SDK1: variants seen among roughly 807,000 people sequenced by gnomAD.
The protein encoded by SDK1 is sidekick cell adhesion molecule 1, also known as protein sidekick-1.
In SDK1, 157 loss-of-function variants were observed where a neutral mutation model predicts 245.5. The observed-to-expected ratio is 0.64, with a 90% CI of 0.56 to 0.73. The LOEUF is 0.73. Ranked by LOEUF, SDK1 falls within the 30% of genes least tolerant of loss-of-function variation. The pLI is 0.00. For synonymous variants in SDK1, 1,647 were observed against 1,278.5 expected, an observed-to-expected ratio of 1.29 and a Z score of -6.15; for missense variants, 3,583 against 3,002.3, an observed-to-expected ratio of 1.19 and a Z score of -4.52.
chr7:3,626,625 C>T (rs951410103), intron 2 of SDK1, among the ~76,000 whole-genome samples: 5 of 152,290 alleles, frequency 3.3e-5, no homozygotes, highest in South Asian at 2.1e-4. Context: ...CTAAGAGATA[C>T]CCCATTGACT....
At chr7:3,638,919 T>A (rs1220521345) in intron 2 of SDK1, 85 bp from the exon 3 acceptor site, 1 of 725,840 alleles carries the variant, frequency 1.4e-6, no homozygotes, top group East Asian at 2.8e-5. Context: ...ATGCCAGTGC[T>A]GTTTGATAAA....
intron 1 of SDK1, among the ~76,000 whole-genome samples, chr7:3,534,621 C>A (rs1467503352): frequency 6.6e-6 from 1 of 152,130 alleles, no homozygotes; most frequent in Non-Finnish European, 1.5e-5. Flanking sequence ...CATGTTACTG[C>A]TTCCTTTTTT....
At chr7:4,101,383 A>G (rs536457789) in intron 22 of SDK1, among the ~76,000 whole-genome samples, 294 of 152,212 alleles carry the variant, frequency 1.9e-3, no homozygotes, top group African/African-American at 6.4e-3. Context: ...TCCTGACCTC[A>G]TGATCCACCC....
chr7:4,135,166 C>G (rs189219776), intron 28 of SDK1, among the ~76,000 whole-genome samples: 1 of 152,178 alleles, frequency 6.6e-6, no homozygotes. Context: ...TTTCCGATGA[C>G]AAGAGCACTA....
chr7:3,553,285 C>G (rs541579518), intron 1 of SDK1, among the ~76,000 whole-genome samples: 4 of 152,062 alleles, frequency 2.6e-5, no homozygotes, highest in South Asian at 2.1e-4. Flanking sequence ...GAATCTGAAA[C>G]TTAAGATTTT....
chr7:3,850,388 A>G (rs1403167834), intron 5 of SDK1, among the ~76,000 whole-genome samples: 2 of 152,208 alleles, frequency 1.3e-5, no homozygotes. Flanking sequence ...TGAAAATAAG[A>G]TGCCTTTTAC....
chr7:3,833,148 G>GCGGA (rs1345203492), intron 5 of SDK1, among the ~76,000 whole-genome samples: 1 of 152,072 alleles, frequency 6.6e-6, no homozygotes, highest in African/African-American at 2.4e-5. Flanking sequence ...AACTGGAAGT[G>GCGGA]CGGAACTCTA....
chr7:3,787,810 C>T (rs371696487), intron 4 of SDK1, among the ~76,000 whole-genome samples: 32 of 152,284 alleles, frequency 2.1e-4, no homozygotes, highest in Middle Eastern at 3.4e-3. Context: ...TGTTCTGTAG[C>T]TTTGTGAAGT....
chr7:3,311,393 A>G (rs1349162258), intron 1 of SDK1, among the ~76,000 whole-genome samples: 1 of 152,154 alleles, frequency 6.6e-6, no homozygotes, highest in African/African-American at 2.4e-5. Context: ...CTGGAGTTCT[A>G]GGAGTATAAA....
intron 1 of SDK1, among the ~76,000 whole-genome samples, chr7:3,485,710 C>T (rs1474226336): frequency 7.1e-5 from 2 of 28,284 alleles, no homozygotes; most frequent in Admixed American, 9.6e-4. Context: ...TTTTTTGAGC[C>T]ATCTTGCTCC....
chr7:4,209,532 G>C (rs1432163073), intron 37 of SDK1, among the ~76,000 whole-genome samples: 2 of 152,194 alleles, frequency 1.3e-5, no homozygotes, highest in Non-Finnish European at 2.9e-5. Flanking sequence ...GGGACACTCA[G>C]CCTGGAGAGT....
At chr7:4,096,310 C>G (rs1782148309) in intron 22 of SDK1, among the ~76,000 whole-genome samples, 1 of 152,176 alleles carries the variant, frequency 6.6e-6, no homozygotes, top group Non-Finnish European at 1.5e-5. Flanking sequence ...TGGCCACAGG[C>G]AAGGCCAGGG....
At chr7:3,725,630 G>A (rs1778984578) in intron 4 of SDK1, among the ~76,000 whole-genome samples, 1 of 152,142 alleles carries the variant, frequency 6.6e-6, no homozygotes, top group South Asian at 2.1e-4. Flanking sequence ...GGAGCCCCAA[G>A]AACAGGGAGG....
chr7:4,105,952 G>A (rs1478616817), intron 22 of SDK1, among the ~76,000 whole-genome samples: 1 of 152,194 alleles, frequency 6.6e-6, no homozygotes, highest in Non-Finnish European at 1.5e-5. Flanking sequence ...GGAGCCATGT[G>A]GCACCTGCCT....
At chr7:3,327,898 C>T (rs1427918542) in intron 1 of SDK1, among the ~76,000 whole-genome samples, 5 of 152,036 alleles carry the variant, frequency 3.3e-5, no homozygotes, top group African/African-American at 1.2e-4. Context: ...GTGTGTATAC[C>T]TATAGTTGTC....
At position 3,787,396 on chromosome 7, in the gene SDK1, C is replaced by T. The variant is rs76439479; in HGVS notation, c.714-34054C>T. ...AAGCAAAGGTGACAGAGCGTAGCAA[C>T]ATGATGCAGCTGATCACACTGGAGC... On this transcript the variant is annotated intron_variant, in intron 4 of 44. Transcript: ENST00000404826. Among the ~76,000 whole-genome samples the T allele has an allele frequency of 5.8e-3, 878 of 152,298 alleles. 7 individuals are homozygous for T. The highest frequency in any genetic ancestry group is 0.02 in the African/African-American group (821 of 41,544).
intron 1 of SDK1, among the ~76,000 whole-genome samples, chr7:3,442,726 T>A (rs1389389936): frequency 6.6e-6 from 1 of 152,202 alleles, no homozygotes; most frequent in Non-Finnish European, 1.5e-5. Context: ...ACTTGATATG[T>A]TTTGTTTTTA....
chr7:3,993,259 G>A (rs929924300), intron 14 of SDK1, among the ~76,000 whole-genome samples: 1 of 152,204 alleles, frequency 6.6e-6, no homozygotes, highest in Non-Finnish European at 1.5e-5. Context: ...GAGCCTCTGC[G>A]TGTTTTCCTT....
At chr7:4,035,815 TATCAAC>T (rs1379937995) in intron 17 of SDK1, among the ~76,000 whole-genome samples, 3 of 152,142 alleles carry the variant, frequency 2.0e-5, no homozygotes, top group Non-Finnish European at 2.9e-5. Context: ...TGCTATCAAC[TATCAAC>T]ATGGCCTTGT....
Sources: gnomAD v4.1 joint callset for allele counts (sites outside exome capture counted in the v4.1 genomes callset) on GRCh38, gnomAD v4.1.1 for gene constraint, MANE v1.5 for transcripts, NCBI Gene and HGNC (gene_info 2026-07-23, HGNC 2026-07-21) for gene names.